The following PACSIN2 variants were observed in gnomAD, a reference collection of about 807,000 sequenced individuals.
PACSIN2 encodes the protein protein kinase C and casein kinase substrate in neurons protein 2.
A neutral mutation model predicts 63.8 loss-of-function variants in PACSIN2; 25 were observed. The ratio of observed to expected loss-of-function variants is 0.39; its 90% CI spans 0.29 to 0.55. The LOEUF (loss-of-function observed/expected upper bound fraction) is 0.55. Ranked by LOEUF, PACSIN2 falls within the 20% of genes least tolerant of loss-of-function variation. The pLI, the probability that PACSIN2 is intolerant of heterozygous loss-of-function variation, is 0.62. For missense variants in PACSIN2, 518 were observed against 646.9 expected, an observed-to-expected ratio of 0.80 and a Z score of 2.16; for synonymous variants, 255 against 256.2, an observed-to-expected ratio of 1.00 and a Z score of 0.05.
chr22:42,922,387 T>C (rs1021482176), intron 1 of PACSIN2, among the ~76,000 whole-genome samples: 15 of 149,406 alleles, frequency 1.0e-4, no homozygotes, highest in African/African-American at 3.6e-4. Flanking sequence ...CAAAAGGCTA[T>C]TTTCATAAAG....
intron 1 of PACSIN2, among the ~76,000 whole-genome samples, chr22:42,998,018 G>C (rs913544021): frequency 2.0e-5 from 3 of 152,180 alleles, no homozygotes; most frequent in African/African-American, 7.2e-5. Flanking sequence ...GAGCTTTCCT[G>C]GAAAAGAGGT....
intron 1 of PACSIN2, among the ~76,000 whole-genome samples, chr22:42,970,947 T>C (rs574627946): frequency 2.6e-5 from 4 of 152,210 alleles, no homozygotes; most frequent in South Asian, 4.1e-4. Flanking sequence ...CACCCTGCCC[T>C]GCCCCCAGCC....
chr22:42,971,038 G>A (rs1464965550), intron 1 of PACSIN2, among the ~76,000 whole-genome samples: 4 of 152,158 alleles, frequency 2.6e-5, no homozygotes, highest in Admixed American at 6.5e-5. Context: ...GCAGGCTAAC[G>A]CTAAGCTAAA....
chr22:42,978,394 C>G (rs746685632), intron 1 of PACSIN2, among the ~76,000 whole-genome samples: 1 of 152,196 alleles, frequency 6.6e-6, no homozygotes, highest in Non-Finnish European at 1.5e-5. Flanking sequence ...TAACCTATAA[C>G]GCTGAGAAAT....
At chr22:42,939,692 G>A (rs1933063423) in intron 1 of PACSIN2, among the ~76,000 whole-genome samples, 1 of 152,242 alleles carries the variant, frequency 6.6e-6, no homozygotes, top group African/African-American at 2.4e-5. Context: ...TCTTGTGCCC[G>A]CTCTGGCTTT....
intron 5 of PACSIN2, among the ~76,000 whole-genome samples, chr22:42,885,724 G>A (rs899409599): frequency 2.0e-5 from 3 of 151,972 alleles, no homozygotes; most frequent in Non-Finnish European, 2.9e-5. Context: ...GTTCCACCCC[G>A]CCCTCTAGGG....
At chr22:42,937,892 C>A (rs1249977760) in intron 1 of PACSIN2, among the ~76,000 whole-genome samples, 1 of 152,176 alleles carries the variant, frequency 6.6e-6, no homozygotes, top group East Asian at 1.9e-4. Flanking sequence ...GCAGTCTGGA[C>A]CCCCATCTCC....
intron 1 of PACSIN2, among the ~76,000 whole-genome samples, chr22:42,963,618 T>C (rs1022176812): frequency 5.3e-5 from 8 of 152,128 alleles, no homozygotes; most frequent in Admixed American, 3.9e-4. Context: ...CACTATAAGA[T>C]AGGTACTCCT....
intron 1 of PACSIN2, among the ~76,000 whole-genome samples, chr22:43,010,846 A>C (rs1054970743): frequency 3.9e-5 from 6 of 152,260 alleles, no homozygotes; most frequent in African/African-American, 1.2e-4. Flanking sequence ...AATAAGCACA[A>C]TTCAATAGGT....
intron 1 of PACSIN2, among the ~76,000 whole-genome samples, chr22:42,927,408 C>T (rs924035791): frequency 3.2e-4 from 48 of 152,250 alleles, no homozygotes; most frequent in African/African-American, 1.1e-3. Flanking sequence ...CCATGCCCAG[C>T]TAATTTTTAA....
intron 1 of PACSIN2, among the ~76,000 whole-genome samples, chr22:42,936,593 T>C (rs997095394): frequency 1.3e-5 from 2 of 152,046 alleles, no homozygotes; most frequent in African/African-American, 4.8e-5. Flanking sequence ...AAAAAGACTT[T>C]TACATATATC....
chr22:42,981,839 C>A (rs1203111786), intron 1 of PACSIN2, among the ~76,000 whole-genome samples: 1 of 122,116 alleles, frequency 8.2e-6, no homozygotes, highest in African/African-American at 3.1e-5. Context: ...GTCAGCCCCC[C>A]GCCCGGCCAG....
chr22:42,908,379 G>GT (rs1480192435), intron 2 of PACSIN2, among the ~76,000 whole-genome samples: 1 of 152,186 alleles, frequency 6.6e-6, no homozygotes, highest in African/African-American at 2.4e-5. Flanking sequence ...CTGAATGAAG[G>GT]TAAGGGAGGC....
chr22:42,889,938 A>G (rs1217188270), intron 4 of PACSIN2, among the ~76,000 whole-genome samples: 1 of 152,136 alleles, frequency 6.6e-6, no homozygotes, highest in Non-Finnish European at 1.5e-5. Flanking sequence ...ATAAAGTGAA[A>G]GCAAGTTTAT....
intron 1 of PACSIN2, among the ~76,000 whole-genome samples, chr22:42,936,751 A>G (rs1328800084): frequency 6.6e-6 from 1 of 151,964 alleles, no homozygotes; most frequent in Non-Finnish European, 1.5e-5. Flanking sequence ...TCTCCACTAA[A>G]AATACAAAAA....
chr22:42,948,123 C>A (rs140377765), intron 1 of PACSIN2, among the ~76,000 whole-genome samples: 18 of 152,288 alleles, frequency 1.2e-4, no homozygotes, highest in Non-Finnish European at 2.1e-4. Flanking sequence ...GGTAGAGGAA[C>A]CTGTGTGACA....
Position 42,974,775 on chromosome 22 carries a change from AGAG to A in PACSIN2, c.-78+40243_-78+40245del, listed in dbSNP as rs1235416755. Among the ~76,000 whole-genome samples the A allele has an allele frequency of 4.7e-5, 7 of 150,532 alleles. No individual in the cohort carries two copies. In the South Asian group the frequency reaches 8.3e-4, roughly 18 times the overall value. On this transcript the variant is annotated intron_variant, in intron 1 of 10. Coordinates refer to ENST00000263246, the MANE Select transcript of PACSIN2 (RefSeq NM_001184970.3). ...AAAAAAAAAAAAAAAAGAAAAGAAA[AGAG>A]AAGAAGGAGGAGGAGGAGGAGGAGA...
intron 4 of PACSIN2, 72 bp downstream of exon 4, chr22:42,890,875 C>T (rs1293501846): frequency 1.2e-5 from 15 of 1,232,646 alleles, no homozygotes; most frequent in Non-Finnish European, 1.4e-5. Context: ...GTCCTAGGTG[C>T]AGGAGGTGGT....
chr22:42,929,872 A>C (rs757592688), intron 1 of PACSIN2, among the ~76,000 whole-genome samples: 1 of 152,164 alleles, frequency 6.6e-6, no homozygotes, highest in Non-Finnish European at 1.5e-5. Context: ...TCTTTCATAA[A>C]GACTTCCTTT....
Sources: allele counts gnomAD v4.1 joint callset (sites outside exome capture counted in the v4.1 genomes callset), GRCh38; gene constraint gnomAD v4.1.1; transcripts MANE v1.5; gene names NCBI Gene and HGNC (gene_info 2026-07-23, HGNC 2026-07-21).